Variants in MACROD2 observed in about 807,000 individuals in gnomAD.
MACROD2 encodes ADP-ribose glycohydrolase MACROD2.
MACROD2 carries 36 observed loss-of-function variants against 70.4 expected under a neutral mutation model. The observed-to-expected ratio is 0.51, with a 90% CI of 0.39 to 0.68. MACROD2 has a LOEUF of 0.68. Ranked by LOEUF, MACROD2 falls within the 30% of genes least tolerant of loss-of-function variation. The probability of loss-of-function intolerance (pLI) is 0.00; values close to 1 mark genes in which losing one functional copy is unlikely to be tolerated. For missense variants in MACROD2, 496 were observed against 538.4 expected (o/e 0.92, Z 0.78); for synonymous variants, 172 against 178.8 (o/e 0.96, Z 0.30).
intron 10 of MACROD2, among the ~76,000 whole-genome samples, chr20:15,913,452 C>G (rs1196518340): frequency 3.3e-5 from 5 of 152,136 alleles, no homozygotes; most frequent in Non-Finnish European, 5.9e-5. Context: ...CTGTTGCTAT[C>G]CCTTCAGTAA....
chr20:15,594,811 T>C (rs921010712), intron 8 of MACROD2, among the ~76,000 whole-genome samples: 3 of 152,210 alleles, frequency 2.0e-5, no homozygotes, highest in Admixed American at 2.0e-4. Flanking sequence ...AGTTTATAAT[T>C]TTACTTTTAC....
intron 12 of MACROD2, among the ~76,000 whole-genome samples, chr20:15,958,191 C>A (rs898353165): frequency 6.6e-6 from 1 of 152,170 alleles, no homozygotes; most frequent in Non-Finnish European, 1.5e-5. Context: ...CGCCAGTACA[C>A]TCTAATCCTG....
chr20:15,196,688 G>A (rs1435475533), intron 5 of MACROD2, among the ~76,000 whole-genome samples: 1 of 152,148 alleles, frequency 6.6e-6, no homozygotes, highest in Non-Finnish European at 1.5e-5. Context: ...TTTGACAGTG[G>A]TTTTTAAATT....
chr20:15,295,446 A>C (rs1038661350), intron 6 of MACROD2, among the ~76,000 whole-genome samples: 3 of 152,134 alleles, frequency 2.0e-5, no homozygotes, highest in African/African-American at 7.2e-5. Flanking sequence ...GAATGTGTTG[A>C]TGTGGCTTTG....
At chr20:14,482,343 G>A (rs1015627354) in intron 3 of MACROD2, among the ~76,000 whole-genome samples, 1 of 152,088 alleles carries the variant, frequency 6.6e-6, no homozygotes. Flanking sequence ...CACTACTAGA[G>A]AAAGTCTTCA....
At chr20:14,386,426 A>G (rs1442156515) in intron 3 of MACROD2, among the ~76,000 whole-genome samples, 2 of 152,172 alleles carry the variant, frequency 1.3e-5, no homozygotes, top group East Asian at 3.8e-4. Flanking sequence ...ATATCATTTT[A>G]AAATGTAATC....
chr20:14,535,274 C>G (rs935767206), intron 4 of MACROD2, among the ~76,000 whole-genome samples: 5 of 151,942 alleles, frequency 3.3e-5, no homozygotes, highest in Admixed American at 3.3e-4. Context: ...GAGGCTGAGG[C>G]GGGCGGATCA....
At chr20:15,456,586 G>A (rs2046730026) in intron 7 of MACROD2, among the ~76,000 whole-genome samples, 1 of 152,170 alleles carries the variant, frequency 6.6e-6, no homozygotes, top group African/African-American at 2.4e-5. Context: ...CTTCAGGAAA[G>A]GCTATTAATT....
chr20:15,166,899 T>A (rs1378093236), intron 5 of MACROD2, among the ~76,000 whole-genome samples: 1 of 150,158 alleles, frequency 6.7e-6, no homozygotes, highest in Non-Finnish European at 1.5e-5. Context: ...GTATTAAGTA[T>A]TAATTTAAGT....
At chr20:15,086,280 A>C (rs188347380) in intron 5 of MACROD2, among the ~76,000 whole-genome samples, 73 of 152,318 alleles carry the variant, frequency 4.8e-4, no homozygotes, top group Non-Finnish European at 9.4e-4. Context: ...AGTTTAAAAA[A>C]TGATTTGTTA....
intron 5 of MACROD2, among the ~76,000 whole-genome samples, chr20:15,219,491 T>A (rs1489025288): frequency 1.3e-5 from 2 of 152,254 alleles, no homozygotes; most frequent in African/African-American, 4.8e-5. Context: ...TGAATTTAAA[T>A]GAGTTGAACT....
chr20:15,620,193 G>A (rs549094317), intron 8 of MACROD2, among the ~76,000 whole-genome samples: 2 of 152,172 alleles, frequency 1.3e-5, no homozygotes, highest in African/African-American at 4.8e-5. Context: ...TTCCAAGCTT[G>A]TGAAACTAAG....
At chr20:14,740,245 A>G (rs2071717197) in intron 5 of MACROD2, among the ~76,000 whole-genome samples, 1 of 152,126 alleles carries the variant, frequency 6.6e-6, no homozygotes, top group Non-Finnish European at 1.5e-5. Context: ...CTTATGAACC[A>G]TTTTACAGAT....
intron 5 of MACROD2, among the ~76,000 whole-genome samples, chr20:14,717,359 C>T (rs1373098414): frequency 1.3e-5 from 2 of 152,026 alleles, no homozygotes; most frequent in Non-Finnish European, 2.9e-5. Context: ...AGAATGAAAC[C>T]GAATGTGGGT....
chr20:15,674,342 C>A (rs1391739823), intron 8 of MACROD2, among the ~76,000 whole-genome samples: 3 of 152,060 alleles, frequency 2.0e-5, no homozygotes, highest in Non-Finnish European at 4.4e-5. Flanking sequence ...CTGCAGGATG[C>A]AGATGAGCTA....
intron 8 of MACROD2, among the ~76,000 whole-genome samples, chr20:15,509,881 C>G (rs375114392): frequency 2.0e-5 from 3 of 152,192 alleles, no homozygotes; most frequent in Admixed American, 6.5e-5. Flanking sequence ...CCTGGCCATG[C>G]CTTTGACCAT....
intron 5 of MACROD2, among the ~76,000 whole-genome samples, chr20:15,019,051 G>A (rs2075143707): frequency 6.6e-6 from 1 of 152,148 alleles, no homozygotes; most frequent in South Asian, 2.1e-4. Flanking sequence ...ATTCTTTACA[G>A]CAACACAAAA....
intron 2 of MACROD2, chr20:14,053,663 A>AC (rs1430832734): frequency 5.9e-5 from 9 of 152,136 alleles, no homozygotes; most frequent in African/African-American, 1.7e-4. Context: ...TTTTGTCAAT[A>AC]AATACTAATT....
At chr20:14,665,124 T>C (rs1426564752) in intron 4 of MACROD2, among the ~76,000 whole-genome samples, 1 of 152,168 alleles carries the variant, frequency 6.6e-6, no homozygotes, top group East Asian at 1.9e-4. Flanking sequence ...GATGCCATTT[T>C]ATTAAAGGCT....
Sources: allele counts gnomAD v4.1 joint callset (sites outside exome capture counted in the v4.1 genomes callset), GRCh38; gene constraint gnomAD v4.1.1; transcripts MANE v1.5; gene names NCBI Gene and HGNC (gene_info 2026-07-23, HGNC 2026-07-21).